The following RNLS variants were observed in gnomAD, a reference collection of about 807,000 sequenced individuals.
RNLS encodes the protein renalase.
A neutral mutation model predicts 39.8 loss-of-function variants in RNLS; 39 were observed. The observed-to-expected ratio is 0.98, with a 90% CI of 0.76 to 1.28. The LOEUF is 1.28. Ranked by LOEUF, RNLS falls within the 50% of genes most tolerant of loss-of-function variation. RNLS has a pLI of 0.00. For synonymous variants in RNLS, 147 were observed against 150.7 expected (o/e 0.98, Z 0.18); for missense variants, 410 against 413.3 (o/e 0.99, Z 0.07).
rs368351157 is a variant in RNLS at position 88,316,643 on chromosome 10, G to A, written c.701-2002C>T. On this transcript the variant is annotated intron_variant, in intron 5 of 6. Coordinates refer to ENST00000331772, the MANE Select transcript of RNLS (RefSeq NM_001031709.3). Reference sequence around the variant, plus strand: ...CAGCTATTTGTTCCAGGGGAAACTCGTAAAGTCACTAAGACCAGTGATGGT... The same window carrying A: ...CAGCTATTTGTTCCAGGGGAAACTCATAAAGTCACTAAGACCAGTGATGGT... Among the ~76,000 whole-genome samples the A allele has an allele frequency of 2.6e-5, 4 of 152,128 alleles. No homozygotes were observed. The South Asian group carries it at 6.2e-4, about 24-fold the overall frequency.
At chr10:88,401,876 G>C (rs1852942983) in intron 4 of RNLS, among the ~76,000 whole-genome samples, 1 of 151,968 alleles carries the variant, frequency 6.6e-6, no homozygotes, top group South Asian at 2.1e-4. Flanking sequence ...CACAGTGTCT[G>C]TGACTCATTA....
intron 4 of RNLS, among the ~76,000 whole-genome samples, chr10:88,364,371 T>C (rs1461913764): frequency 1.3e-5 from 2 of 152,174 alleles, no homozygotes; most frequent in African/African-American, 4.8e-5. Context: ...GTAATAATCC[T>C]ATACATTATT....
chr10:88,203,915 C>T, the RNLS span, among the ~76,000 whole-genome samples: 2 of 151,984 alleles, frequency 1.3e-5, no homozygotes, highest in Non-Finnish European at 1.5e-5. Flanking sequence ...ATAATAACAG[C>T]CACAATAATA....
intron 5 of RNLS, among the ~76,000 whole-genome samples, chr10:88,358,116 G>A (rs1849338213): frequency 6.6e-6 from 1 of 152,022 alleles, no homozygotes; most frequent in Non-Finnish European, 1.5e-5. Context: ...TTCCCACTAC[G>A]CCAATCTTAC....
chr10:88,374,663 C>T (rs1377053721), intron 4 of RNLS, among the ~76,000 whole-genome samples: 1 of 152,066 alleles, frequency 6.6e-6, no homozygotes, highest in Non-Finnish European at 1.5e-5. Context: ...CTTTTCTCCC[C>T]ACACTTGTGA....
the RNLS span, among the ~76,000 whole-genome samples, chr10:88,221,023 G>T: frequency 0.69 from 105,289 of 152,020 alleles, 36,748 homozygotes; most frequent in East Asian, 0.81. Flanking sequence ...TGCTTCTCAA[G>T]TGCTCCCAAG....
rs114147466 is a variant in RNLS at position 88,344,570 on chromosome 10, C to T, written c.700+17982G>A. Among the ~76,000 whole-genome samples the T allele has an allele frequency of 3.1e-3, 477 of 151,908 alleles. 3 individuals are homozygous for T. The highest frequency in any genetic ancestry group is 0.011 in the African/African-American group (454 of 41,428). On this transcript the variant is annotated intron_variant, in intron 5 of 6. Coordinates refer to ENST00000331772, the MANE Select transcript of RNLS (RefSeq NM_001031709.3). ...TCTTTATGATATTGTTAGCCACTCC[C>T]GAGAAACTACTATTATGAATACAGT...
intron 6 of RNLS, among the ~76,000 whole-genome samples, chr10:88,298,690 G>T (rs1844272915): frequency 6.6e-6 from 1 of 152,074 alleles, no homozygotes; most frequent in Admixed American, 6.6e-5. Context: ...ATTGATCTAT[G>T]CCTGTCCTTA....
chr10:88,279,267 A>G (rs7089186), downstream of RNLS, among the ~76,000 whole-genome samples: 139,963 of 152,220 alleles, frequency 0.92, 64,413 homozygotes, highest in Middle Eastern at 0.94. Context: ...AGCTACCTAT[A>G]GATGTAGTGA....
At chr10:88,323,107 C>G (rs1846306361) in intron 5 of RNLS, among the ~76,000 whole-genome samples, 1 of 152,086 alleles carries the variant, frequency 6.6e-6, no homozygotes, top group Admixed American at 6.6e-5. Context: ...AGGAGAACAA[C>G]AGAATACTGA....
At chr10:88,229,359 G>A in the RNLS span, among the ~76,000 whole-genome samples, 1 of 152,190 alleles carries the variant, frequency 6.6e-6, no homozygotes, top group Admixed American at 6.5e-5. Context: ...CCCTCTAATA[G>A]CTCTAGTGGT....
chr10:88,182,056 G>A, the RNLS span, among the ~76,000 whole-genome samples: 2 of 152,254 alleles, frequency 1.3e-5, no homozygotes, highest in South Asian at 4.1e-4. Context: ...AGGGTGTGGG[G>A]TAGGTCAAAT....
At chr10:88,307,306 G>T (rs1190552276) in intron 6 of RNLS, among the ~76,000 whole-genome samples, 1 of 152,110 alleles carries the variant, frequency 6.6e-6, no homozygotes, top group Admixed American at 6.5e-5. Flanking sequence ...ACATAATATT[G>T]GAAGTCCTGG....
At position 88,318,159 on chromosome 10, in the gene RNLS, A is replaced by T. The variant is rs1419875153; in HGVS notation, c.701-3518T>A. ...CCCAGGGAATCTCTGCCCTTGAGTC[A>T]CCACACCACGAGATTCCCCACAAAC... is the stretch of plus-strand genomic sequence containing the variant. On this transcript the variant is annotated intron_variant, in intron 5 of 6. Transcript: ENST00000331772. Among the ~76,000 whole-genome samples the T allele has an allele frequency of 2.6e-5, 4 of 152,142 alleles. No individual in the cohort carries two copies. The East Asian group carries it at 5.8e-4, about 22-fold the overall frequency.
intron 4 of RNLS, among the ~76,000 whole-genome samples, chr10:88,368,546 TTA>T (rs937968764): frequency 2.1e-5 from 3 of 142,542 alleles, no homozygotes; most frequent in African/African-American, 7.8e-5. Flanking sequence ...CTTTAGTGTG[TTA>T]TGTTTTTTCT....
In RNLS at chr10:88,362,641, G is replaced by A. The variant is rs747724619; in HGVS notation, c.611C>T (p.Thr204Met). The change falls in exon 5 of 7, where the codon ACG becomes ATG. Residue 204 changes from threonine to methionine, a missense_variant. By Grantham distance (81) the Thr-to-Met change is moderately conservative. Transcript: ENST00000331772. The stretch of plus-strand genomic sequence containing the variant: ...CCCAGCCCAAGGGACATCAATCTTC[G>A]TACCAGCTTCATAAAAGAGGCCCAG... ...YALGLFYEAG[T>M]KIDVPWAGQY... is the part of the protein sequence containing the mutation. 12 of 1,613,788 alleles carry A rather than the reference G, an allele frequency of 7.4e-6. No individual in the cohort carries two copies. The East Asian group carries it at 1.3e-4, about 18-fold the overall frequency.
At chr10:88,321,181 A>C (rs538937437) in intron 5 of RNLS, among the ~76,000 whole-genome samples, 68 of 152,188 alleles carry the variant, frequency 4.5e-4, no homozygotes, top group Non-Finnish European at 9.0e-4. Flanking sequence ...GAAACCAAAC[A>C]AACAACTTGC....
intron 4 of RNLS, among the ~76,000 whole-genome samples, chr10:88,519,355 G>A (rs529411578): frequency 1.3e-5 from 2 of 151,940 alleles, no homozygotes; most frequent in South Asian, 4.2e-4. Context: ...TTATTAGACA[G>A]TAGACTAATG....
At chr10:88,539,166 G>A (rs1394692282) in intron 4 of RNLS, among the ~76,000 whole-genome samples, 1 of 152,116 alleles carries the variant, frequency 6.6e-6, no homozygotes, top group Non-Finnish European at 1.5e-5. Context: ...CAGAATAGCA[G>A]TTTTATTATC....
Sources: gnomAD v4.1 joint callset for allele counts (sites outside exome capture counted in the v4.1 genomes callset) on GRCh38, gnomAD v4.1.1 for gene constraint, MANE v1.5 for transcripts, NCBI Gene and HGNC (gene_info 2026-07-23, HGNC 2026-07-21) for gene names.